CCDC73: variants seen among roughly 807,000 people sequenced by gnomAD.
The protein encoded by CCDC73 is coiled-coil domain containing 73.
Under a neutral mutation model 116.5 loss-of-function variants are expected in CCDC73, and 95 were observed. The observed-to-expected ratio is 0.82, with a 90% CI of 0.69 to 0.97. The LOEUF (loss-of-function observed/expected upper bound fraction) is 0.97. CCDC73 is among the 50% of genes least tolerant of loss of function. The pLI is 0.00. For synonymous variants in CCDC73, 398 were observed against 401.3 expected, an observed-to-expected ratio of 0.99 and a Z score of 0.10; for missense variants, 1,066 against 1,206.8, an observed-to-expected ratio of 0.88 and a Z score of 1.73.
At chr11:32,691,582 G>A (rs753184121) in intron 6 of CCDC73, among the ~76,000 whole-genome samples, 1 of 152,016 alleles carries the variant, frequency 6.6e-6, no homozygotes, top group Non-Finnish European at 1.5e-5. Flanking sequence ...GTTTTAAGAG[G>A]TCTTTGTTAT....
chr11:32,699,785 C>T (rs533103584), intron 5 of CCDC73, among the ~76,000 whole-genome samples: 10 of 151,600 alleles, frequency 6.6e-5, no homozygotes, highest in Non-Finnish European at 1.5e-4. Context: ...ATGTTAATGA[C>T]GAGTTAATGG....
chr11:32,696,218 G>A (rs932954692), intron 6 of CCDC73, among the ~76,000 whole-genome samples: 1 of 151,970 alleles, frequency 6.6e-6, no homozygotes, highest in Non-Finnish European at 1.5e-5. Flanking sequence ...CCATAATTAA[G>A]TTTTCCATGC....
intron 12 of CCDC73, among the ~76,000 whole-genome samples, chr11:32,650,966 G>T (rs1855820966): frequency 6.6e-6 from 1 of 152,066 alleles, no homozygotes; most frequent in Non-Finnish European, 1.5e-5. Flanking sequence ...TTGTCATGGT[G>T]CTTTTTATTT....
the CCDC73 span, among the ~76,000 whole-genome samples, chr11:32,808,235 G>T: frequency 6.6e-6 from 1 of 152,054 alleles, no homozygotes; most frequent in Non-Finnish European, 1.5e-5. Flanking sequence ...ATTCCTAAAA[G>T]GGAAAATAAC....
chr11:32,774,169 T>G (rs1318107678), intron 1 of CCDC73, among the ~76,000 whole-genome samples: 2 of 152,262 alleles, frequency 1.3e-5, no homozygotes, highest in East Asian at 1.9e-4. Flanking sequence ...CACACAAACT[T>G]CTCATCTTCT....
At chr11:32,675,476 A>G in intron 9 of CCDC73, 89 bp downstream of exon 9, 1 of 773,104 alleles carries the variant, frequency 1.3e-6, no homozygotes, top group Non-Finnish European at 2.0e-6. Flanking sequence ...CTACCAAAAA[A>G]TTCTACCCAA....
intron 6 of CCDC73, 23 bp from the exon 7 acceptor site, chr11:32,683,597 T>G (rs758057302): frequency 5.2e-6 from 7 of 1,346,322 alleles, no homozygotes; most frequent in African/African-American, 1.5e-5. Flanking sequence ...GGGGGAAAAA[T>G]CTCATTAAAA....
chr11:32,787,227 A>G (rs1309529910), intron 1 of CCDC73, among the ~76,000 whole-genome samples: 1 of 152,214 alleles, frequency 6.6e-6, no homozygotes, highest in African/African-American at 2.4e-5. Flanking sequence ...AAAGATGGTA[A>G]TAACCAAATG....
intron 2 of CCDC73, among the ~76,000 whole-genome samples, chr11:32,748,674 T>C (rs1190043959): frequency 6.6e-6 from 1 of 152,252 alleles, no homozygotes; most frequent in Non-Finnish European, 1.5e-5. Flanking sequence ...TGATTTCTTA[T>C]CACTGATTAA....
At chr11:32,638,261 T>G (rs1331181120) in intron 13 of CCDC73, among the ~76,000 whole-genome samples, 1 of 152,226 alleles carries the variant, frequency 6.6e-6, no homozygotes, top group Non-Finnish European at 1.5e-5. Flanking sequence ...AAGAATTATT[T>G]TTCTAAAACA....
At chr11:32,675,524 T>G (rs1315596579) in intron 9 of CCDC73, 41 bp downstream of exon 9, 2 of 1,249,346 alleles carry the variant, frequency 1.6e-6, no homozygotes, top group Non-Finnish European at 2.3e-6. Flanking sequence ...TATTTTATAT[T>G]ATAATTTTTA....
At chr11:32,768,890 T>C (rs550100769) in intron 1 of CCDC73, among the ~76,000 whole-genome samples, 17 of 152,094 alleles carry the variant, frequency 1.1e-4, no homozygotes, top group South Asian at 8.3e-4. Flanking sequence ...GACAAACACA[T>C]AGAGAAATCT....
chr11:32,757,792 C>A (rs1850356679), intron 2 of CCDC73, among the ~76,000 whole-genome samples: 1 of 152,138 alleles, frequency 6.6e-6, no homozygotes, highest in Non-Finnish European at 1.5e-5. Context: ...CTCCTGTCTC[C>A]CTCTTATATG....
chr11:32,740,185 A>T (rs1345468722), intron 2 of CCDC73, among the ~76,000 whole-genome samples: 1 of 151,964 alleles, frequency 6.6e-6, no homozygotes, highest in Non-Finnish European at 1.5e-5. Context: ...GTTTGGTATC[A>T]GTGTAATAAC....
intron 13 of CCDC73, among the ~76,000 whole-genome samples, chr11:32,640,420 G>A (rs1855722154): frequency 6.6e-6 from 1 of 151,884 alleles, no homozygotes; most frequent in Non-Finnish European, 1.5e-5. Context: ...TTTTTTGCAA[G>A]TTTGGCATAT....
intron 1 of CCDC73, among the ~76,000 whole-genome samples, chr11:32,784,748 C>T (rs1054631226): frequency 6.6e-6 from 1 of 152,110 alleles, no homozygotes; most frequent in African/African-American, 2.4e-5. Context: ...TGATTTTGTC[C>T]TCTTCATTCT....
intron 2 of CCDC73, among the ~76,000 whole-genome samples, chr11:32,732,976 A>G (rs1026141950): frequency 1.3e-5 from 2 of 152,212 alleles, no homozygotes; most frequent in African/African-American, 2.4e-5. Flanking sequence ...AGACTGGCAA[A>G]TTGGATAAAG....
At chr11:32,631,656 G>GAAAGGAAGT (rs1360810989) in intron 14 of CCDC73, among the ~76,000 whole-genome samples, 14 of 151,872 alleles carry the variant, frequency 9.2e-5, no homozygotes, top group African/African-American at 1.4e-4. Context: ...GGAAAGGAAG[G>GAAAGGAAGT]AAAGGAAGGA....
At chr11:32,720,488 C>T (rs1590612181) in intron 2 of CCDC73, among the ~76,000 whole-genome samples, 1 of 152,068 alleles carries the variant, frequency 6.6e-6, no homozygotes, top group African/African-American at 2.4e-5. Flanking sequence ...CTATTCTCAT[C>T]GCTCTTATTA....
Sources: gnomAD v4.1 joint callset for allele counts (sites outside exome capture counted in the v4.1 genomes callset) on GRCh38, gnomAD v4.1.1 for gene constraint, MANE v1.5 for transcripts, NCBI Gene and HGNC (gene_info 2026-07-23, HGNC 2026-07-21) for gene names.